The following ANKRD17 variants were observed in gnomAD, a reference collection of about 807,000 sequenced individuals.
The protein encoded by ANKRD17 is ankyrin repeat domain 17, also known as ankyrin repeat domain-containing protein 17.
Under a neutral mutation model 229.7 loss-of-function variants are expected in ANKRD17, and 19 were observed. The observed-to-expected ratio is 0.08, with a 90% CI of 0.06 to 0.12. The LOEUF is 0.12. ANKRD17 is among the 10% of genes least tolerant of loss of function. The pLI is 1.00. For synonymous variants in ANKRD17, 1,112 were observed against 1,146.1 expected (o/e 0.97, Z 0.60); for missense variants, 2,176 against 3,176.8 (o/e 0.68, Z 7.57).
chr4:73,081,379 T>A (rs1249948574), intron 30 of ANKRD17, among the ~76,000 whole-genome samples: 1 of 152,008 alleles, frequency 6.6e-6, no homozygotes, highest in South Asian at 2.1e-4. Flanking sequence ...AGAGAGAGAA[T>A]AGCTATCCCT....
chr4:73,144,102 T>C (rs1401609611), intron 11 of ANKRD17, among the ~76,000 whole-genome samples: 1 of 152,180 alleles, frequency 6.6e-6, no homozygotes, highest in East Asian at 1.9e-4. Flanking sequence ...TACTTAAGAA[T>C]ATGATGAACT....
intron 18 of ANKRD17, among the ~76,000 whole-genome samples, chr4:73,123,095 T>C (rs997919431): frequency 2.0e-5 from 3 of 152,156 alleles, no homozygotes; most frequent in Non-Finnish European, 4.4e-5. Flanking sequence ...TAATCTGTTA[T>C]ATTTTAACAA....
At chr4:73,156,355 T>C (rs1346796450) in intron 3 of ANKRD17, among the ~76,000 whole-genome samples, 189 bp from the exon 4 acceptor site, 1 of 152,202 alleles carries the variant, frequency 6.6e-6, no homozygotes, top group Non-Finnish European at 1.5e-5. Flanking sequence ...GCAATCCTCC[T>C]GCTTCAGACT....
At chr4:73,097,528 G>A (rs952902236) in intron 26 of ANKRD17, among the ~76,000 whole-genome samples, 1 of 150,944 alleles carries the variant, frequency 6.6e-6, no homozygotes, top group Admixed American at 6.6e-5. Flanking sequence ...TTGAGCTCTC[G>A]GGTTCAGGTG....
rs1386946543 is a variant in ANKRD17 at position 73,091,119 on chromosome 4, G to A, written c.6509C>T (p.Thr2170Ile). 4.3e-6 allele frequency: 7 copies of A among 1,614,180 alleles called. No individual in the cohort carries two copies. In the South Asian group the frequency reaches 6.6e-5, roughly 15 times the overall value. The part of the protein sequence containing the change: ...PQTPMGCPQP[T>I]PKMETPAIRP... ...AATAGCAGGGGTTTCCATTTTAGGA[G>A]TAGGCTGGGGGCATCCCATTGGTGT... Residue 2170 changes from threonine (T) to isoleucine (I), a missense_variant, in exon 29 of 34, where the codon ACT (threonine) becomes ATT (isoleucine). Around this residue, in one of 18 missense-constraint regions of ANKRD17, gnomAD observed 424 missense variants for 454.0 expected, o/e 0.93. Coordinates refer to ENST00000358602, the MANE Select transcript of ANKRD17 (RefSeq NM_032217.5).
intron 1 of ANKRD17, among the ~76,000 whole-genome samples, chr4:73,229,519 C>G (rs995198574): frequency 1.3e-5 from 2 of 151,642 alleles, no homozygotes; most frequent in East Asian, 1.9e-4. Context: ...TACACCTCCT[C>G]TCATCTAACT....
chr4:73,080,904 C>T (rs1276734835), intron 30 of ANKRD17: 2 of 152,292 alleles, frequency 1.3e-5, no homozygotes, highest in African/African-American at 2.4e-5. Context: ...CAGCCTCAAA[C>T]TCCTGGCCTC....
chr4:73,183,257 T>C (rs1328330043), intron 1 of ANKRD17, among the ~76,000 whole-genome samples: 4 of 152,186 alleles, frequency 2.6e-5, no homozygotes, highest in African/African-American at 9.7e-5. Context: ...GAAATCTGAA[T>C]GTGAACTGGG....
chr4:73,182,791 A>G (rs979620479), intron 1 of ANKRD17, among the ~76,000 whole-genome samples: 2 of 152,212 alleles, frequency 1.3e-5, no homozygotes, highest in South Asian at 4.1e-4. Context: ...CTCAATGTAA[A>G]AGCACTATTA....
chr4:73,096,114 T>C (rs1438449106), intron 27 of ANKRD17, among the ~76,000 whole-genome samples: 1 of 152,208 alleles, frequency 6.6e-6, no homozygotes, highest in Non-Finnish European at 1.5e-5. Flanking sequence ...AATGGTTAAG[T>C]ATTAAAAATT....
chr4:73,161,572 C>A (rs1732530412), intron 2 of ANKRD17, among the ~76,000 whole-genome samples: 1 of 152,218 alleles, frequency 6.6e-6, no homozygotes, highest in African/African-American at 2.4e-5. Flanking sequence ...CTGTGACCCT[C>A]TGGTGCCAGA....
At chr4:73,179,507 TATATATA>T (rs1560665811) in intron 1 of ANKRD17, among the ~76,000 whole-genome samples, 90 of 83,830 alleles carry the variant, frequency 1.1e-3, no homozygotes, top group African/African-American at 3.4e-3. Flanking sequence ...TATATATATA[TATATATA>T]TATATTTTTT....
At chr4:73,171,178 G>GGAGA (rs56882212) in intron 2 of ANKRD17, among the ~76,000 whole-genome samples, 18,896 of 104,212 alleles carry the variant, frequency 0.18, 2,180 homozygotes, top group South Asian at 0.26. Flanking sequence ...CTCAGAGGGG[G>GGAGA]GAGAGAGAGA....
In ANKRD17 at chr4:73,090,807, A is replaced by G. The variant is rs1402242547; in HGVS notation, c.6821T>C (p.Val2274Ala). Residue 2274 changes from valine (V) to alanine (A), a missense_variant, in exon 29 of 34, where the codon GTT becomes GCT. Physicochemically the swap from Val to Ala is moderately conservative, Grantham distance 64. This residue lies in a region of ANKRD17 where 424 missense variants were observed against 454.0 expected (regional missense o/e 0.93). Coordinates refer to ENST00000358602, the MANE Select transcript of ANKRD17 (RefSeq NM_032217.5). The part of the protein sequence containing the change: ...SAHAFWGGSV[V>A]SSQSTPESML... The stretch of plus-strand genomic sequence containing the variant: ...AGATTCTGGTGTTGACTGAGATGAA[A>G]CAACAGATCCTCCCCAGAAGGCATG... The G allele has an allele frequency of 6.2e-7, 1 of 1,614,244 alleles. No homozygotes were observed. Among genetic ancestry groups the G allele is most frequent in the East Asian group, 2.2e-5 (1 of 44,884 alleles).
intron 16 of ANKRD17, among the ~76,000 whole-genome samples, chr4:73,130,654 C>T (rs1728079494): frequency 6.7e-6 from 1 of 150,018 alleles, no homozygotes; most frequent in Non-Finnish European, 1.5e-5. Context: ...TAAGGTACTC[C>T]AAGTTCAAGA....
chr4:73,238,803 T>C (rs910272582), intron 1 of ANKRD17, among the ~76,000 whole-genome samples: 1 of 152,116 alleles, frequency 6.6e-6, no homozygotes, highest in East Asian at 1.9e-4. Flanking sequence ...CAGTACAATA[T>C]GAGAGTTAAG....
chr4:73,122,174 G>A (rs781196211), intron 18 of ANKRD17, among the ~76,000 whole-genome samples: 5 of 151,984 alleles, frequency 3.3e-5, no homozygotes, highest in Admixed American at 6.6e-5. Flanking sequence ...GGTATAAAAG[G>A]TCCTATATTT....
chr4:73,078,174 C>T (rs557133711), intron 31 of ANKRD17, among the ~76,000 whole-genome samples: 57 of 152,134 alleles, frequency 3.7e-4, no homozygotes, highest in African/African-American at 9.2e-4. Context: ...GTCAGGAGAT[C>T]GTGACCATCC....
At chr4:73,235,982 G>T (rs992698049) in intron 1 of ANKRD17, among the ~76,000 whole-genome samples, 91 of 151,946 alleles carry the variant, frequency 6.0e-4, no homozygotes, top group African/African-American at 2.1e-3. Context: ...GGGATTACAG[G>T]CATGAGCCAC....
Sources: gnomAD v4.1 joint callset for allele counts (sites outside exome capture counted in the v4.1 genomes callset) on GRCh38, gnomAD v4.1.1 for gene constraint, gnomAD v4.1.1 regional missense constraint, MANE v1.5 for transcripts, NCBI Gene and HGNC (gene_info 2026-07-23, HGNC 2026-07-21) for gene names.